CDH11: variants seen among roughly 807,000 people sequenced by gnomAD.
The protein encoded by CDH11 is cadherin 11.
CDH11 carries 11 observed loss-of-function variants against 67.8 expected under a neutral mutation model. The ratio of observed to expected loss-of-function variants is 0.16; its 90% CI spans 0.10 to 0.27. The LOEUF is 0.27. CDH11 is among the 10% of genes least tolerant of loss of function. The pLI is 1.00. For synonymous variants in CDH11, 419 were observed against 400.0 expected (o/e 1.05, Z -0.57); for missense variants, 847 against 1,031.2 (o/e 0.82, Z 2.45).
At chr16:65,006,480 T>C (rs2142533997) in intron 2 of CDH11, among the ~76,000 whole-genome samples, 1 of 152,304 alleles carries the variant, frequency 6.6e-6, no homozygotes, top group Non-Finnish European at 1.5e-5. Flanking sequence ...TTCCATATTT[T>C]ACAATCTGGG....
At chr16:65,027,929 A>T (rs2073566620) in intron 2 of CDH11, among the ~76,000 whole-genome samples, 1 of 152,208 alleles carries the variant, frequency 6.6e-6, no homozygotes, top group African/African-American at 2.4e-5. Context: ...ACAAATATAC[A>T]CATAGAGAAA....
intron 1 of CDH11, among the ~76,000 whole-genome samples, chr16:65,105,589 T>C (rs1033344848): frequency 5.3e-5 from 8 of 152,242 alleles, no homozygotes; most frequent in African/African-American, 1.7e-4. Context: ...TGTGCATGAA[T>C]AGCATTTTCA....
chr16:65,120,590 C>T (rs967759991), intron 1 of CDH11, among the ~76,000 whole-genome samples: 1 of 152,144 alleles, frequency 6.6e-6, no homozygotes, highest in Non-Finnish European at 1.5e-5. Context: ...TCAAGAACAA[C>T]CCCCCACTCC....
At chr16:65,108,293 T>C (rs773102786) in intron 1 of CDH11, among the ~76,000 whole-genome samples, 33 of 152,278 alleles carry the variant, frequency 2.2e-4, no homozygotes, top group South Asian at 6.2e-4. Flanking sequence ...AAGTTGAAGA[T>C]TCCCTGCAAT....
chr16:65,019,810 T>C (rs2073385403), intron 2 of CDH11, among the ~76,000 whole-genome samples: 1 of 152,136 alleles, frequency 6.6e-6, no homozygotes, highest in African/African-American at 2.4e-5. Flanking sequence ...ACAAGGTTAA[T>C]TTTTTATGAA....
At chr16:64,984,518 G>T (rs930280811) in intron 7 of CDH11, among the ~76,000 whole-genome samples, 9 of 152,128 alleles carry the variant, frequency 5.9e-5, no homozygotes, top group Non-Finnish European at 1.3e-4. Context: ...GCAACACATT[G>T]CATAAGCCAT....
intron 11 of CDH11, among the ~76,000 whole-genome samples, chr16:64,965,828 A>T (rs1274523765): frequency 6.6e-6 from 1 of 151,206 alleles, no homozygotes; most frequent in Non-Finnish European, 1.5e-5. Flanking sequence ...AAGCTTATTT[A>T]TAAGTGAAAT....
intron 2 of CDH11, among the ~76,000 whole-genome samples, chr16:65,033,491 A>G (rs1178510747): frequency 6.6e-6 from 1 of 152,146 alleles, no homozygotes; most frequent in Non-Finnish European, 1.5e-5. Context: ...CTGTAATCCC[A>G]GCACTTTGGG....
rs545318161 is a variant in CDH11, at chr16:65,100,149, G to T, written c.-298+21731C>A. 1.4e-3 allele frequency among the ~76,000 whole-genome samples: 214 copies of T among 152,242 alleles called. 2 individuals carry two copies. The highest frequency in any genetic ancestry group is 4.3e-3 in the African/African-American group (177 of 41,530). ...GTTAATGTGTGATCATTTACCGCTG[G>T]TTGGAAAAGTGGGTGGATAGTGTTG... On this transcript the variant is annotated intron_variant, in intron 1 of 12. Coordinates refer to ENST00000268603, the MANE Select transcript of CDH11 (RefSeq NM_001797.4).
At chr16:65,076,657 G>A (rs919026067) in intron 1 of CDH11, among the ~76,000 whole-genome samples, 23 of 151,990 alleles carry the variant, frequency 1.5e-4, no homozygotes, top group South Asian at 4.2e-4. Flanking sequence ...TAGGTATTTC[G>A]CCTAATCCTA....
chr16:65,084,470 A>AG (rs1222452354), intron 1 of CDH11, among the ~76,000 whole-genome samples: 137 of 151,902 alleles, frequency 9.0e-4, no homozygotes, highest in African/African-American at 3.2e-3. Context: ...AAGAAAAAGA[A>AG]AAAGAAGAAG....
intron 6 of CDH11, 79 bp downstream of exon 6, chr16:64,991,689 T>A: frequency 9.6e-7 from 1 of 1,036,776 alleles, no homozygotes; most frequent in East Asian, 2.4e-5. Context: ...GATACCTCAG[T>A]AAAGCAGGAA....
chr16:64,955,763 A>T (rs940254329), intron 11 of CDH11, among the ~76,000 whole-genome samples: 1 of 152,158 alleles, frequency 6.6e-6, no homozygotes, highest in African/African-American at 2.4e-5. Context: ...AGGAAAAAAA[A>T]TAGCTACTAT....
At position 64,991,760 on chromosome 16, in the gene CDH11, C is replaced by T. The variant is rs199829613; in HGVS notation, c.811+8G>A. On this transcript the variant is annotated splice_region_variant and intron_variant, in intron 6 of 12. Coordinates refer to ENST00000268603, the MANE Select transcript of CDH11 (RefSeq NM_001797.4). ...ATGGAAAAGTGAAAGCCAAGTCCAC[C>T]TACTTACTCTGCGGAAACTTTGGTG... 12 of 1,607,146 alleles carry T rather than the reference C, an allele frequency of 7.5e-6. No homozygotes were observed. In the East Asian group the frequency reaches 8.9e-5, roughly 12 times the overall value.
At chr16:65,016,750 T>C (rs1386570665) in intron 2 of CDH11, among the ~76,000 whole-genome samples, 1 of 152,182 alleles carries the variant, frequency 6.6e-6, no homozygotes, top group Non-Finnish European at 1.5e-5. Context: ...AGTAAGCTTA[T>C]TAAGAAGTAA....
At chr16:64,969,314 A>G (rs1267534151) in intron 11 of CDH11, among the ~76,000 whole-genome samples, 1 of 152,170 alleles carries the variant, frequency 6.6e-6, no homozygotes, top group Admixed American at 6.5e-5. Flanking sequence ...CACAGCAGGG[A>G]AAGCTTAGTA....
chr16:65,091,805 G>A (rs941495786), intron 1 of CDH11, among the ~76,000 whole-genome samples: 17 of 152,054 alleles, frequency 1.1e-4, no homozygotes, highest in Non-Finnish European at 2.2e-4. Context: ...CCCGAGATTA[G>A]GCCTTTCTTA....
chr16:64,980,893 G>T (rs963805507), intron 8 of CDH11, among the ~76,000 whole-genome samples: 1 of 151,934 alleles, frequency 6.6e-6, no homozygotes, highest in African/African-American at 2.4e-5. Flanking sequence ...GTGGCTGTGG[G>T]AAAAGAAACC....
intron 1 of CDH11, among the ~76,000 whole-genome samples, chr16:65,063,547 G>C (rs1181390213): frequency 3.3e-5 from 5 of 152,082 alleles, no homozygotes; most frequent in African/African-American, 1.2e-4. Flanking sequence ...AATGAGGCTG[G>C]ATACCTACAC....
Sources: gnomAD v4.1 joint callset for allele counts (sites outside exome capture counted in the v4.1 genomes callset) on GRCh38, gnomAD v4.1.1 for gene constraint, MANE v1.5 for transcripts, NCBI Gene and HGNC (gene_info 2026-07-23, HGNC 2026-07-21) for gene names.